Variants in FRY observed in about 807,000 individuals in gnomAD.
FRY encodes the protein FRY microtubule binding protein.
In FRY, 128 loss-of-function variants were observed where a neutral mutation model predicts 348.4. The ratio of observed to expected loss-of-function variants is 0.37; its 90% CI spans 0.32 to 0.43. FRY has a LOEUF of 0.43. Among genes scored for constraint, FRY ranks in the 20% least tolerant of loss-of-function variants. The pLI is 1.00. For synonymous variants in FRY, 1,370 were observed against 1,374.7 expected, an observed-to-expected ratio of 1.00 and a Z score of 0.08; for missense variants, 2,736 against 3,695.2, an observed-to-expected ratio of 0.74 and a Z score of 6.73.
chr13:32,110,491 G>C (rs1239032461), intron 3 of FRY, among the ~76,000 whole-genome samples: 1 of 152,066 alleles, frequency 6.6e-6, no homozygotes, highest in Non-Finnish European at 1.5e-5. Flanking sequence ...AAGTGAAAAA[G>C]CAACACTCCA....
intron 55 of FRY, among the ~76,000 whole-genome samples, chr13:32,269,455 C>T (rs1187402773): frequency 2.0e-5 from 3 of 152,122 alleles, no homozygotes; most frequent in African/African-American, 7.2e-5. Context: ...CTTTGGGAGG[C>T]CGAGGTGGGA....
chr13:32,174,998 A>G (rs1353577501), intron 19 of FRY, among the ~76,000 whole-genome samples: 2 of 152,158 alleles, frequency 1.3e-5, no homozygotes, highest in Non-Finnish European at 2.9e-5. Context: ...AATTTTCACT[A>G]AGATACTCTC....
At chr13:32,267,649 A>C (rs1222091394) in intron 55 of FRY, among the ~76,000 whole-genome samples, 1 of 152,094 alleles carries the variant, frequency 6.6e-6, no homozygotes, top group Non-Finnish European at 1.5e-5. Flanking sequence ...CAGGACCATT[A>C]AGGGAATCTT....
At chr13:32,063,696 T>A (rs1267397116) in intron 1 of FRY, among the ~76,000 whole-genome samples, 1 of 152,230 alleles carries the variant, frequency 6.6e-6, no homozygotes, top group East Asian at 1.9e-4. Flanking sequence ...GAATCTGCAC[T>A]TTAACGAACT....
intron 7 of FRY, among the ~76,000 whole-genome samples, chr13:32,125,146 T>C (rs771801595): frequency 5.9e-5 from 9 of 152,252 alleles, no homozygotes; most frequent in Non-Finnish European, 8.8e-5. Context: ...CATTTCTCTC[T>C]GCCTAAATAT....
At chr13:32,231,719 T>G (rs115968439) in intron 41 of FRY, among the ~76,000 whole-genome samples, 26 of 152,328 alleles carry the variant, frequency 1.7e-4, no homozygotes, top group African/African-American at 6.3e-4. Flanking sequence ...CTTTAAAAGT[T>G]TTTGCTAACA....
At chr13:32,155,339 C>A (rs770167840) in intron 14 of FRY, 152 bp from the exon 15 acceptor site, 2 of 655,804 alleles carry the variant, frequency 3.0e-6, no homozygotes, top group Non-Finnish European at 5.4e-6. Context: ...ACTTAATTTT[C>A]ATAAGATTGC....
At chr13:32,219,676 G>A (rs1453539181) in intron 36 of FRY, among the ~76,000 whole-genome samples, 2 of 151,812 alleles carry the variant, frequency 1.3e-5, no homozygotes, top group Non-Finnish European at 2.9e-5. Flanking sequence ...GGAGAATGGC[G>A]TGAACCCAGG....
At chr13:32,072,099 A>G (rs1273097668) in intron 1 of FRY, among the ~76,000 whole-genome samples, 1 of 152,208 alleles carries the variant, frequency 6.6e-6, no homozygotes, top group Non-Finnish European at 1.5e-5. Flanking sequence ...TTTAAGAATT[A>G]AAGATACTAA....
rs533044403 is a variant in FRY, at chr13:32,163,431, T to G, written c.1892+2180T>G. ...GCCTATCCTTTTCCCATGGTAAAAT[T>G]TTGGTGAAATTGGAATGAGACTGCC... On this transcript the variant is annotated intron_variant, in intron 17 of 60. Transcript: ENST00000542859. 3.3e-5 allele frequency among the ~76,000 whole-genome samples: 5 copies of G among 152,236 alleles called. No homozygotes were observed. In the South Asian group the frequency reaches 1.0e-3, roughly 32 times the overall value.
chr13:32,285,518 A>G (rs1889001633), intron 58 of FRY, among the ~76,000 whole-genome samples: 1 of 152,216 alleles, frequency 6.6e-6, no homozygotes, highest in African/African-American at 2.4e-5. Flanking sequence ...TTCATTGACA[A>G]TGAAATTCCT....
chr13:32,244,027 A>G lies in FRY; in HGVS notation c.6688-15A>G. The G allele has an allele frequency of 6.2e-7, 1 of 1,613,512 alleles. No homozygotes were observed. Among genetic ancestry groups the G allele is most frequent in the Non-Finnish European group, 8.5e-7 (1 of 1,179,836 alleles). ...CTGGTGTGTGACTGACTCCAGCCGC[A>G]CTTTGCCCCCACAGCTGCTGGAGAA... On this transcript the variant is annotated splice_polypyrimidine_tract_variant and intron_variant, in intron 46 of 60. Coordinates refer to ENST00000542859, the MANE Select transcript of FRY (RefSeq NM_023037.3).
At chr13:32,252,037 G>A in intron 50 of FRY, 85 bp downstream of exon 50, 2 of 934,912 alleles carry the variant, frequency 2.1e-6, no homozygotes, top group South Asian at 2.6e-5. Context: ...ATATAATTTA[G>A]AGGATTCAAC....
At chr13:32,258,707 A>G (rs886693012) in intron 51 of FRY, among the ~76,000 whole-genome samples, 5 of 148,800 alleles carry the variant, frequency 3.4e-5, no homozygotes, top group African/African-American at 1.3e-4. Flanking sequence ...ATTAAAGGCT[A>G]TCTCTATCTT....
Position 32,120,159 on chromosome 13 carries a change from G to A in FRY, c.464+2686G>A, listed in dbSNP as rs1201921084. ...TATACTATTGAGCATTTATGTGTTT[G>A]GGAAATTATGCTAAATACTTTACAT... On this transcript the variant is annotated intron_variant, in intron 4 of 60. Coordinates refer to ENST00000542859, the MANE Select transcript of FRY (RefSeq NM_023037.3). Among the ~76,000 whole-genome samples, 4 of 151,998 alleles carry A rather than the reference G, an allele frequency of 2.6e-5. No individual in the cohort carries two copies. In the East Asian group the frequency reaches 7.7e-4, roughly 29 times the overall value.
chr13:32,096,599 A>G lies in FRY; in HGVS notation c.271-5364A>G, dbSNP rs190909012. Among the ~76,000 whole-genome samples, 449 of 152,118 alleles carry G rather than the reference A, an allele frequency of 3.0e-3. 12 individuals carry two copies. Among genetic ancestry groups the G allele is most frequent in the Admixed American group, 0.027 (415 of 15,266 alleles). ...TGCGGTCAGGGGTTTGAGACCAGCCAGGCCAACATGGTAAAACCCCATCTC... is the reference window on the plus strand; with the variant it reads ...TGCGGTCAGGGGTTTGAGACCAGCCGGGCCAACATGGTAAAACCCCATCTC... On this transcript the variant is annotated intron_variant, in intron 2 of 60. Coordinates refer to ENST00000542859, the MANE Select transcript of FRY (RefSeq NM_023037.3).
intron 14 of FRY, among the ~76,000 whole-genome samples, chr13:32,154,905 A>G (rs764832099): frequency 1.2e-4 from 19 of 152,222 alleles, no homozygotes; most frequent in Non-Finnish European, 2.2e-4. Context: ...AGGAAGATCA[A>G]TCTGGCCCAC....
intron 3 of FRY, among the ~76,000 whole-genome samples, chr13:32,108,990 C>T (rs993480654): frequency 1.3e-5 from 2 of 152,090 alleles, no homozygotes; most frequent in African/African-American, 2.4e-5. Context: ...AAGTTGTCAA[C>T]TTGATGTTAG....
chr13:32,183,986 T>G (rs1161069557), intron 24 of FRY, among the ~76,000 whole-genome samples: 3 of 151,498 alleles, frequency 2.0e-5, no homozygotes, highest in Non-Finnish European at 2.9e-5. Context: ...ATGTTTTAAA[T>G]TAGCCGGGTG....
Sources: allele counts gnomAD v4.1 joint callset (sites outside exome capture counted in the v4.1 genomes callset), GRCh38; gene constraint gnomAD v4.1.1; transcripts MANE v1.5; gene names NCBI Gene and HGNC (gene_info 2026-07-23, HGNC 2026-07-21).